Variants in DACH1 observed in about 807,000 individuals in gnomAD.
The protein encoded by DACH1 is dachshund homolog 1.
Under a neutral mutation model 54.2 loss-of-function variants are expected in DACH1, and 12 were observed. That is an observed-to-expected ratio of 0.22 (90% confidence interval 0.14 to 0.36). The LOEUF is 0.36. Among genes scored for constraint, DACH1 ranks in the 10% least tolerant of loss-of-function variants. The probability of loss-of-function intolerance (pLI) is 1.00; values close to 1 mark genes in which losing one functional copy is unlikely to be tolerated. For missense variants in DACH1, 805 were observed against 929.8 expected (o/e 0.87, Z 1.75); for synonymous variants, 386 against 366.2 (o/e 1.05, Z -0.62).
At chr13:71,668,128 G>A (rs1325450984) in intron 2 of DACH1, among the ~76,000 whole-genome samples, 1 of 151,840 alleles carries the variant, frequency 6.6e-6, no homozygotes, top group Non-Finnish European at 1.5e-5. Context: ...TGACTTTTAA[G>A]GAATAATGCT....
At chr13:71,692,481 CCTTT>C (rs1318238971) in intron 1 of DACH1, among the ~76,000 whole-genome samples, 1 of 126,656 alleles carries the variant, frequency 7.9e-6, no homozygotes, top group African/African-American at 3.1e-5. Flanking sequence ...TTCTTTCTTT[CCTTT>C]CTTTTTCTTT....
intron 1 of DACH1, among the ~76,000 whole-genome samples, chr13:71,708,041 C>A (rs986898078): frequency 2.6e-5 from 4 of 151,300 alleles, no homozygotes; most frequent in African/African-American, 9.7e-5. Flanking sequence ...CTAGTAATCA[C>A]CTATAAATTA....
In DACH1 at chr13:71,662,301, C is replaced by G. The variant is rs560834756; in HGVS notation, c.964+19494G>C. ...TTAAAAGGGTTCAGAATGAAATAAA[C>G]TGATGAATACATGCTTTTTTAAAAA... On this transcript the variant is annotated intron_variant, in intron 2 of 10. Transcript: ENST00000613252. Among the ~76,000 whole-genome samples the G allele has an allele frequency of 3.9e-5, 6 of 152,126 alleles. No homozygotes were observed. In the South Asian group the frequency reaches 1.2e-3, roughly 32 times the overall value.
intron 1 of DACH1, among the ~76,000 whole-genome samples, chr13:71,741,389 G>A (rs903755327): frequency 2.6e-5 from 4 of 152,126 alleles, no homozygotes; most frequent in Non-Finnish European, 5.9e-5. Context: ...AACTTTGTTC[G>A]TCTTATTGTT....
At chr13:71,709,598 T>C (rs1594122858) in intron 1 of DACH1, among the ~76,000 whole-genome samples, 1 of 152,264 alleles carries the variant, frequency 6.6e-6, no homozygotes, top group South Asian at 2.1e-4. Flanking sequence ...TTAATAAGGG[T>C]GTGAAAAGGC....
At chr13:71,837,662 C>T (rs1420116004) in intron 1 of DACH1, among the ~76,000 whole-genome samples, 1 of 151,772 alleles carries the variant, frequency 6.6e-6, no homozygotes, top group Middle Eastern at 3.2e-3. Flanking sequence ...AATCCCATTA[C>T]TGGGTATATA....
chr13:71,574,127 T>C (rs1473194852), intron 3 of DACH1, among the ~76,000 whole-genome samples: 1 of 152,120 alleles, frequency 6.6e-6, no homozygotes, highest in Admixed American at 6.6e-5. Context: ...ACATCACTTG[T>C]TTTCAAATAA....
At chr13:71,674,491 G>A (rs935704653) in intron 2 of DACH1, among the ~76,000 whole-genome samples, 2 of 148,402 alleles carry the variant, frequency 1.3e-5, no homozygotes, top group Admixed American at 6.7e-5. Flanking sequence ...ACACGAAGGC[G>A]ACATTACCAC....
intron 3 of DACH1, among the ~76,000 whole-genome samples, chr13:71,620,284 G>C (rs1876123461): frequency 6.6e-6 from 1 of 151,874 alleles, no homozygotes; most frequent in Non-Finnish European, 1.5e-5. Flanking sequence ...AAACTATAGA[G>C]AGATGAAGAA....
At chr13:71,799,209 T>G (rs1039911150) in intron 1 of DACH1, among the ~76,000 whole-genome samples, 1 of 152,102 alleles carries the variant, frequency 6.6e-6, no homozygotes, top group Non-Finnish European at 1.5e-5. Flanking sequence ...GTAAAGGAGA[T>G]CACAAGTGCA....
chr13:71,661,630 A>T (rs1300656578), intron 2 of DACH1, among the ~76,000 whole-genome samples: 1 of 152,114 alleles, frequency 6.6e-6, no homozygotes, highest in Non-Finnish European at 1.5e-5. Flanking sequence ...TATCAAATGA[A>T]AATCTTCAAG....
At chr13:71,459,302 T>C (rs1875864420) in intron 10 of DACH1, among the ~76,000 whole-genome samples, 2 of 151,890 alleles carry the variant, frequency 1.3e-5, no homozygotes, top group Admixed American at 1.3e-4. Flanking sequence ...CTCAGAGTAG[T>C]ATATTGATAG....
intron 2 of DACH1, among the ~76,000 whole-genome samples, chr13:71,642,441 T>C (rs986751033): frequency 2.6e-5 from 4 of 152,242 alleles, no homozygotes; most frequent in Non-Finnish European, 5.9e-5. Flanking sequence ...ATTCTGATTC[T>C]ACAAGTACGT....
intron 1 of DACH1, among the ~76,000 whole-genome samples, chr13:71,687,786 T>G (rs992570406): frequency 1.3e-5 from 2 of 152,112 alleles, no homozygotes; most frequent in East Asian, 3.9e-4. Context: ...TTTTTGTACT[T>G]TTTGTAAAGA....
chr13:71,641,010 T>C (rs1308256514), intron 2 of DACH1, among the ~76,000 whole-genome samples: 2 of 151,920 alleles, frequency 1.3e-5, no homozygotes, highest in African/African-American at 2.4e-5. Context: ...AGATTCCAAG[T>C]ACCACATGGG....
intron 1 of DACH1, among the ~76,000 whole-genome samples, chr13:71,817,325 G>C (rs1043066915): frequency 3.3e-5 from 5 of 152,180 alleles, no homozygotes; most frequent in Non-Finnish European, 5.9e-5. Context: ...GTTGTGTAGA[G>C]TGCTGTTACA....
At chr13:71,767,860 T>C (rs1885702871) in intron 1 of DACH1, among the ~76,000 whole-genome samples, 1 of 152,000 alleles carries the variant, frequency 6.6e-6, no homozygotes, top group African/African-American at 2.4e-5. Context: ...TCCTTCTGTA[T>C]AAGTTTCAGT....
chr13:71,672,485 A>G (rs1243897538), intron 2 of DACH1, among the ~76,000 whole-genome samples: 1 of 152,194 alleles, frequency 6.6e-6, no homozygotes, highest in Non-Finnish European at 1.5e-5. Context: ...GGAAAAAATA[A>G]AAAGAAGTTC....
chr13:71,698,740 T>C lies in DACH1; in HGVS notation c.849-16830A>G, dbSNP rs143428721. ...TAGACAACAGTATGATCATATTTTG[T>C]ATAGGCTATCAGTATTTTCCTCTTG... On this transcript the variant is annotated intron_variant, in intron 1 of 10. Transcript: ENST00000613252. 7.5e-3 allele frequency among the ~76,000 whole-genome samples: 1,146 copies of C among 152,286 alleles called. 15 individuals are homozygous for C. Among genetic ancestry groups the C allele is most frequent in the African/African-American group, 0.026 (1,086 of 41,564 alleles).
Sources: gnomAD v4.1 joint callset for allele counts (sites outside exome capture counted in the v4.1 genomes callset) on GRCh38, gnomAD v4.1.1 for gene constraint, MANE v1.5 for transcripts, NCBI Gene and HGNC (gene_info 2026-07-23, HGNC 2026-07-21) for gene names.